The following PPA1 variants were observed in gnomAD, a reference collection of about 807,000 sequenced individuals.
PPA1 encodes inorganic pyrophosphatase 1.
In PPA1, 23 loss-of-function variants were observed where a neutral mutation model predicts 41.8. That is an observed-to-expected ratio of 0.55 (90% CI 0.40 to 0.78). The LOEUF is 0.78. Ranked by LOEUF, PPA1 falls within the 30% of genes least tolerant of loss-of-function variation. PPA1 has a pLI of 0.00. For missense variants in PPA1, 320 were observed against 361.6 expected (o/e 0.89, Z 0.93); for synonymous variants, 101 against 116.8 (o/e 0.86, Z 0.87).
chr10:70,232,649 T>G (rs1345003128), intron 1 of PPA1, among the ~76,000 whole-genome samples: 1 of 152,128 alleles, frequency 6.6e-6, no homozygotes, highest in Non-Finnish European at 1.5e-5. Context: ...ATAAGGAGCA[T>G]TCCCAGCATC....
At chr10:70,223,515 C>T (rs1840198284) in intron 2 of PPA1, among the ~76,000 whole-genome samples, 1 of 152,104 alleles carries the variant, frequency 6.6e-6, no homozygotes, top group Non-Finnish European at 1.5e-5. Flanking sequence ...CCATCCTGCC[C>T]AGCTCTGTAC....
chr10:70,224,889 C>G (rs1046178556), intron 2 of PPA1, among the ~76,000 whole-genome samples: 4 of 151,896 alleles, frequency 2.6e-5, no homozygotes, highest in Admixed American at 2.6e-4. Flanking sequence ...CACCACCATG[C>G]CCAGCTAATT....
Position 70,213,596 on chromosome 10 carries a change from G to A in PPA1, c.385-7C>T, listed in dbSNP as rs1419302168. On this transcript the variant is annotated splice_polypyrimidine_tract_variant and splice_region_variant and intron_variant, in intron 5 of 10. Transcript: ENST00000373232. ...TTTCACCTCTTGCACATACCTGAGA[G>A]TCAATAGCCAAAGTCAGGACAACAT... 1.2e-6 allele frequency: 2 copies of A among 1,613,178 alleles called. No individual in the cohort carries two copies. The highest frequency in any genetic ancestry group is 1.7e-6 in the Non-Finnish European group (2 of 1,179,482).
rs572082455 is a variant in PPA1 at position 70,222,045 on chromosome 10, C to T, written c.124-3228G>A. 1.7e-3 allele frequency among the ~76,000 whole-genome samples: 256 copies of T among 152,084 alleles called. 1 individual carries two copies. The highest frequency in any genetic ancestry group is 3.0e-3 in the Non-Finnish European group (204 of 67,986). On this transcript the variant is annotated intron_variant, in intron 2 of 10. Transcript: ENST00000373232. ...AGGTCTGGTGCTTTTTAGAAATTAGCTGGGTGAGGCCGGGGGGTGGTGGCT... is the reference window on the plus strand; with the variant it reads ...AGGTCTGGTGCTTTTTAGAAATTAGTTGGGTGAGGCCGGGGGGTGGTGGCT...
At chr10:70,208,662 C>T (rs920396946) in intron 8 of PPA1, among the ~76,000 whole-genome samples, 1 of 152,044 alleles carries the variant, frequency 6.6e-6, no homozygotes, top group Non-Finnish European at 1.5e-5. Flanking sequence ...TACATTTTTA[C>T]ACATATAACT....
intron 4 of PPA1, among the ~76,000 whole-genome samples, chr10:70,215,828 C>T (rs185708593): frequency 8.5e-5 from 13 of 152,254 alleles, no homozygotes; most frequent in Admixed American, 5.9e-4. Flanking sequence ...ACCAGGAGCC[C>T]GGACTGAAAA....
At chr10:70,218,957 A>C in intron 2 of PPA1, 140 bp from the exon 3 acceptor site, 1 of 652,330 alleles carries the variant, frequency 1.5e-6, no homozygotes, top group Non-Finnish European at 2.7e-6. Context: ...AATGCATCAA[A>C]AAAAGAGAAT....
intron 2 of PPA1, among the ~76,000 whole-genome samples, chr10:70,228,517 A>C (rs1840256887): frequency 6.6e-6 from 1 of 152,216 alleles, no homozygotes; most frequent in African/African-American, 2.4e-5. Flanking sequence ...TATGATATAC[A>C]TGCTATTATA....
chr10:70,222,846 A>G (rs1156410971), intron 2 of PPA1, among the ~76,000 whole-genome samples: 1 of 52,868 alleles, frequency 1.9e-5, no homozygotes, highest in Non-Finnish European at 3.6e-5. Context: ...CCCCCACCCC[A>G]CAACAGGCCC....
At chr10:70,203,332 C>T in intron 10 of PPA1, 146 bp from the exon 11 acceptor site, 1 of 709,340 alleles carries the variant, frequency 1.4e-6, no homozygotes, top group Non-Finnish European at 2.4e-6. Context: ...CAAAATTTCT[C>T]TACAGCAAAT....
At chr10:70,213,801 T>C (rs72807076) in intron 5 of PPA1, among the ~76,000 whole-genome samples, 354 of 152,314 alleles carry the variant, frequency 2.3e-3, no homozygotes, top group Non-Finnish European at 3.8e-3. Flanking sequence ...TATTTTCTTC[T>C]AGGTCATAGG....
chr10:70,229,940 C>A (rs1840270228), intron 2 of PPA1, among the ~76,000 whole-genome samples: 1 of 151,982 alleles, frequency 6.6e-6, no homozygotes, highest in African/African-American at 2.4e-5. Flanking sequence ...GACAGGGTCT[C>A]ACTCTGTCAC....
At chr10:70,220,207 GGTGTAAGCCA>G (rs1342014483) in intron 2 of PPA1, among the ~76,000 whole-genome samples, 1 of 150,408 alleles carries the variant, frequency 6.6e-6, no homozygotes, top group Non-Finnish European at 1.5e-5. Flanking sequence ...TGGGATTACA[GGTGTAAGCCA>G]CCGCACCTGG....
rs1491245702 is a variant in PPA1 at position 70,221,077 on chromosome 10, T to TATATATA, written c.124-2261_124-2260insTATATAT. Among the ~76,000 whole-genome samples the TATATATA allele has an allele frequency of 4.7e-3, 47 of 9,960 alleles. 1 individual carries two copies. Among genetic ancestry groups the TATATATA allele is most frequent in the African/African-American group, 0.011 (39 of 3,690 alleles). 6.5% of individuals were successfully genotyped at this position (9,960 alleles called of 152,430 possible). ...TATAATTTATATATATATATATATA[T>TATATATA]TTTTTTTTTTTTTTTTTTGTAGAGA... On this transcript the variant is annotated intron_variant, in intron 2 of 10. Transcript: ENST00000373232.
chr10:70,228,396 A>T (rs990070921), intron 2 of PPA1, among the ~76,000 whole-genome samples: 1 of 152,192 alleles, frequency 6.6e-6, no homozygotes, highest in African/African-American at 2.4e-5. Context: ...GCTCTATGTC[A>T]AGAAAATGTT....
chr10:70,231,491 C>T (rs1296807840), intron 1 of PPA1, among the ~76,000 whole-genome samples: 2 of 152,136 alleles, frequency 1.3e-5, no homozygotes, highest in African/African-American at 4.8e-5. Flanking sequence ...CACTTGAACC[C>T]GGGAGGCTGA....
chr10:70,211,427 T>C (rs1840018502), intron 6 of PPA1, among the ~76,000 whole-genome samples: 1 of 152,154 alleles, frequency 6.6e-6, no homozygotes, highest in African/African-American at 2.4e-5. Flanking sequence ...CTCCTGTACT[T>C]TTGACTATCA....
At chr10:70,211,952 C>T (rs1482052938) in intron 6 of PPA1, among the ~76,000 whole-genome samples, 1 of 152,176 alleles carries the variant, frequency 6.6e-6, no homozygotes, top group African/African-American at 2.4e-5. Context: ...AACACAGATG[C>T]AAATATACAT....
intron 5 of PPA1, 83 bp downstream of exon 5, chr10:70,214,417 T>G: frequency 9.2e-7 from 1 of 1,086,454 alleles, no homozygotes; most frequent in Non-Finnish European, 1.4e-6. Flanking sequence ...ATGCATTTTA[T>G]TCACAGTATT....
Sources: allele counts gnomAD v4.1 joint callset (sites outside exome capture counted in the v4.1 genomes callset), GRCh38; gene constraint gnomAD v4.1.1; transcripts MANE v1.5; gene names NCBI Gene and HGNC (gene_info 2026-07-23, HGNC 2026-07-21).